GATB: variants seen among roughly 807,000 people sequenced by gnomAD.
GATB encodes glutamyl-tRNA amidotransferase subunit B.
GATB carries 39 observed loss-of-function variants against 62.3 expected under a neutral mutation model. The ratio of observed to expected loss-of-function variants is 0.63; its 90% CI spans 0.48 to 0.82. GATB has a LOEUF of 0.82. Ranked by LOEUF, GATB falls within the 40% of genes least tolerant of loss-of-function variation. The pLI is 0.00. For missense variants in GATB, 670 were observed against 684.0 expected, an observed-to-expected ratio of 0.98 and a Z score of 0.23; for synonymous variants, 276 against 258.9, an observed-to-expected ratio of 1.07 and a Z score of -0.63.
intron 2 of GATB, among the ~76,000 whole-genome samples, chr4:151,750,988 C>A (rs975410610): frequency 6.6e-6 from 1 of 151,978 alleles, no homozygotes; most frequent in Non-Finnish European, 1.5e-5. Context: ...AAAAGCCCTG[C>A]CATGAGAAGT....
At chr4:151,743,636 A>C (rs1054801452) in intron 2 of GATB, among the ~76,000 whole-genome samples, 2 of 152,236 alleles carry the variant, frequency 1.3e-5, no homozygotes, top group Non-Finnish European at 2.9e-5. Context: ...TTTGGTTCTA[A>C]TCTGAATGGA....
rs1051757022 is a variant in GATB, at chr4:151,703,564, C to T, written c.1007+287G>A. On this transcript the variant is annotated intron_variant, in intron 8 of 12. Transcript: ENST00000263985. Reference sequence around the variant, plus strand: ...CCTAGGCCCCAACCTCTACAGCCATCCTCCTAGCTCAACTATGACAACTTT... The same window carrying T: ...CCTAGGCCCCAACCTCTACAGCCATTCTCCTAGCTCAACTATGACAACTTT... The T allele has an allele frequency of 1.0e-5, 5 of 476,980 alleles. No homozygotes were observed. The Admixed American group carries it at 1.8e-4, about 18-fold the overall frequency. 29.5% of individuals were successfully genotyped at this position (476,980 alleles called of 1,614,324 possible). A position where few individuals can be genotyped will look rare whatever the true frequency, so the allele number is the denominator to read the frequency against.
intron 9 of GATB, among the ~76,000 whole-genome samples, chr4:151,691,262 T>C (rs1228976504): frequency 6.6e-6 from 1 of 152,154 alleles, no homozygotes; most frequent in Non-Finnish European, 1.5e-5. Context: ...CTACATGCAA[T>C]AGAACTGCAA....
Position 151,716,136 on chromosome 4 carries a change from CA to C in GATB, c.641-6del. 4 of 1,612,020 alleles carry C rather than the reference CA, an allele frequency of 2.5e-6. No individual in the cohort carries two copies. In the South Asian group the frequency reaches 3.3e-5, roughly 13 times the overall value. ...CCACCTCCAGAAGGCCCACTCCTACCAAAGAGGGGCAGAGTCAGCCTCACTG... is the reference window on the plus strand; with the variant it reads ...CCACCTCCAGAAGGCCCACTCCTACCAAGAGGGGCAGAGTCAGCCTCACTG... On this transcript the variant is annotated splice_region_variant and splice_polypyrimidine_tract_variant and intron_variant, in intron 4 of 12. Transcript: ENST00000263985.
At chr4:151,677,434 G>A (rs1245190487) in intron 11 of GATB, 1 of 151,980 alleles carries the variant, frequency 6.6e-6, no homozygotes, top group South Asian at 2.1e-4. Flanking sequence ...ACTAACAGGT[G>A]AGACTGTAAG....
intron 2 of GATB, among the ~76,000 whole-genome samples, chr4:151,733,952 C>T (rs570134792): frequency 3.9e-5 from 6 of 152,090 alleles, no homozygotes; most frequent in African/African-American, 7.2e-5. Context: ...CATAACTTAA[C>T]GTAATAAAAG....
chr4:151,732,438 G>C (rs1378911847), intron 2 of GATB, among the ~76,000 whole-genome samples: 2 of 152,046 alleles, frequency 1.3e-5, no homozygotes, highest in South Asian at 2.1e-4. Flanking sequence ...CTGTGCTCTG[G>C]GGCATGTGCT....
At chr4:151,749,461 A>G (rs9307887) in intron 2 of GATB, among the ~76,000 whole-genome samples, 86,315 of 147,760 alleles carry the variant, frequency 0.58, 27,445 homozygotes, top group African/African-American at 0.86. Flanking sequence ...ACTGAACAAT[A>G]AGAACACTTG....
At chr4:151,756,651 C>A (rs1001283889) in intron 2 of GATB, among the ~76,000 whole-genome samples, 1 of 152,166 alleles carries the variant, frequency 6.6e-6, no homozygotes, top group African/African-American at 2.4e-5. Context: ...TTAATGTAAG[C>A]CAAGCTCTCA....
intron 11 of GATB, among the ~76,000 whole-genome samples, 169 bp downstream of exon 11, chr4:151,679,644 C>T (rs1454524222): frequency 6.6e-6 from 1 of 152,232 alleles, no homozygotes; most frequent in Non-Finnish European, 1.5e-5. Context: ...CACATATTGG[C>T]TTCATACGCT....
chr4:151,687,390 G>C (rs758068629), intron 10 of GATB, among the ~76,000 whole-genome samples: 1 of 152,192 alleles, frequency 6.6e-6, no homozygotes, highest in Non-Finnish European at 1.5e-5. Context: ...GAAAAAGTCT[G>C]CCCTCTGTTT....
chr4:151,697,967 A>ATATATATATATATGTGTG (rs1560847752), intron 9 of GATB, among the ~76,000 whole-genome samples: 5 of 101,872 alleles, frequency 4.9e-5, no homozygotes, highest in East Asian at 3.3e-4. Flanking sequence ...ATATATATAT[A>ATATATATATATATGTGTG]TATATATATA....
Position 151,749,190 on chromosome 4 carries a change from G to T in GATB, c.327+9582C>A, listed in dbSNP as rs1459786788. 4.6e-5 allele frequency among the ~76,000 whole-genome samples: 7 copies of T among 152,270 alleles called. No homozygotes were observed. In the South Asian group the frequency reaches 1.0e-3, roughly 23 times the overall value. The stretch of plus-strand genomic sequence containing the variant: ...TACCCAAAGGATTATAAATCATGCT[G>T]CTATAAAGACACATGCACACGTATG... On this transcript the variant is annotated intron_variant, in intron 2 of 12. Transcript: ENST00000263985.
chr4:151,758,947 A>G, intron 1 of GATB, 25 bp from the exon 2 acceptor site: 1 of 1,550,926 alleles, frequency 6.4e-7, no homozygotes, highest in Non-Finnish European at 8.8e-7. Context: ...ATAATGGTTA[A>G]GATGTATTAT....
At chr4:151,714,501 C>T (rs903221507) in intron 5 of GATB, among the ~76,000 whole-genome samples, 1 of 152,218 alleles carries the variant, frequency 6.6e-6, no homozygotes, top group East Asian at 1.9e-4. Context: ...GTGTTAAAAG[C>T]TGTTGGATTT....
chr4:151,723,729 G>C (rs1018915048), intron 2 of GATB: 3 of 152,188 alleles, frequency 2.0e-5, no homozygotes, highest in Non-Finnish European at 4.4e-5. Flanking sequence ...TCTATTGCTA[G>C]ACTTCAGAAA....
At chr4:151,703,774 A>G in intron 8 of GATB, 77 bp downstream of exon 8, 1 of 999,744 alleles carries the variant, frequency 1.0e-6, no homozygotes, top group Middle Eastern at 2.1e-4. Flanking sequence ...CAGGATCATT[A>G]TGTTGAACTT....
rs926398479 is a variant in GATB, at chr4:151,760,735, A to G, written c.176+72T>C. ...CAAAACGTCTAGAAGCTGGGCCGTA[A>G]TTGCCATTATTTCCCCAGTCCTGCA... On this transcript the variant is annotated intron_variant, in intron 1 of 12. Coordinates refer to ENST00000263985, the MANE Select transcript of GATB (RefSeq NM_004564.3). 2.2e-6 allele frequency: 3 copies of G among 1,386,698 alleles called. No homozygotes were observed. The African/African-American group carries it at 4.4e-5, about 20-fold the overall frequency. 85.9% of individuals were successfully genotyped at this position (1,386,698 alleles called of 1,614,324 possible).
intron 2 of GATB, among the ~76,000 whole-genome samples, chr4:151,737,868 A>G (rs1241623007): frequency 2.0e-5 from 3 of 152,216 alleles, no homozygotes; most frequent in African/African-American, 7.2e-5. Flanking sequence ...TCAAGAACCA[A>G]GGTTTGGGAA....
Sources: gnomAD v4.1 joint callset for allele counts (sites outside exome capture counted in the v4.1 genomes callset) on GRCh38, gnomAD v4.1.1 for gene constraint, MANE v1.5 for transcripts, NCBI Gene and HGNC (gene_info 2026-07-23, HGNC 2026-07-21) for gene names.